TSNAXIP1: variants seen among roughly 807,000 people sequenced by gnomAD.
TSNAXIP1 encodes translin associated factor X interacting protein 1.
A neutral mutation model predicts 84.8 loss-of-function variants in TSNAXIP1; 89 were observed. The observed-to-expected ratio is 1.05, with a 90% CI of 0.88 to 1.25. The LOEUF (loss-of-function observed/expected upper bound fraction) is 1.25. Among genes scored for constraint, TSNAXIP1 ranks in the 50% most tolerant of loss-of-function variants. TSNAXIP1 has a pLI of 0.00. For missense variants in TSNAXIP1, 874 were observed against 887.6 expected (o/e 0.98, Z 0.20); for synonymous variants, 347 against 335.2 (o/e 1.04, Z -0.39).
intron 1 of TSNAXIP1, 117 bp downstream of exon 1, chr16:67,807,313 T>C (rs1420798452): frequency 6.5e-7 from 1 of 1,534,518 alleles, no homozygotes; most frequent in Non-Finnish European, 8.7e-7. Context: ...GATCTAGGGC[T>C]CCAGCACCAC....
At chr16:67,815,548 G>A (rs2056471326) in intron 2 of TSNAXIP1, among the ~76,000 whole-genome samples, 1 of 152,014 alleles carries the variant, frequency 6.6e-6, no homozygotes, top group Non-Finnish European at 1.5e-5. Context: ...CACTCTGGCT[G>A]GAGTGCAGTG....
rs2057535914 is a variant in TSNAXIP1, at chr16:67,827,307, G to A, written c.1723G>A (p.Glu575Lys). The change falls in exon 14 of 16, where the codon GAG becomes AAG. Residue 575 changes from glutamate (E) to lysine (K), a missense_variant. Transcript: ENST00000561639. ...AGAAGAGCAAATCCAGGAGCTGATG[G>A]AGGCAGGGGGCTGGCATCCCAGCAG... is the stretch of plus-strand genomic sequence containing the variant. ...KTEEQIQELMEAGGWHPSSSN... is the reference protein window; with the variant it reads ...KTEEQIQELMKAGGWHPSSSN... 1.2e-6 allele frequency: 2 copies of A among 1,614,102 alleles called. No individual in the cohort carries two copies. Among genetic ancestry groups the A allele is most frequent in the Middle Eastern group, 1.6e-4 (1 of 6,084 alleles).
intron 5 of TSNAXIP1, among the ~76,000 whole-genome samples, chr16:67,824,333 T>C (rs909558346): frequency 6.6e-6 from 1 of 152,140 alleles, no homozygotes; most frequent in Admixed American, 6.5e-5. Flanking sequence ...GTGCAGGGCA[T>C]GGTGCAGCTG....
At position 67,807,097 on chromosome 16, in the gene TSNAXIP1, G is replaced by T; in HGVS notation, c.-53G>T. On this transcript the variant is annotated 5_prime_UTR_variant, in exon 1 of 16. Coordinates refer to ENST00000561639, the MANE Select transcript of TSNAXIP1 (RefSeq NM_001288990.3). ...TGGTCGCCATGGCGACCGGCTGTAC[G>T]CTACCACAGCTTCCCAGGCCGCGGG... 6.5e-7 allele frequency: 1 copy of T among 1,528,854 alleles called. No homozygotes were observed. Among genetic ancestry groups the T allele is most frequent in the Non-Finnish European group, 8.8e-7 (1 of 1,142,850 alleles). 94.7% of individuals were successfully genotyped at this position (1,528,854 alleles called of 1,614,324 possible).
At position 67,814,417 on chromosome 16, in the gene TSNAXIP1, G is replaced by T; in HGVS notation, c.147+16G>T. 6.5e-7 allele frequency: 1 copy of T among 1,531,302 alleles called. No individual in the cohort carries two copies. Among genetic ancestry groups the T allele is most frequent in the Non-Finnish European group, 8.8e-7 (1 of 1,142,682 alleles). 94.9% of individuals were successfully genotyped at this position (1,531,302 alleles called of 1,614,324 possible). A position where few individuals can be genotyped will look rare whatever the true frequency, so the allele number is the denominator to read the frequency against. ...AAGGACGCTGGTTAGTGACAATGTT[G>T]TTTTGGAACCCCAAATGTCAGCCCC... On this transcript the variant is annotated intron_variant, in intron 2 of 15. Coordinates refer to ENST00000561639, the MANE Select transcript of TSNAXIP1 (RefSeq NM_001288990.3).
chr16:67,809,643 T>TA (rs1370307872), intron 1 of TSNAXIP1, among the ~76,000 whole-genome samples: 2 of 148,720 alleles, frequency 1.3e-5, no homozygotes, highest in African/African-American at 5.0e-5. Flanking sequence ...AATAAATAAA[T>TA]AAATAAATAA....
chr16:67,810,397 G>T (rs566508269), intron 1 of TSNAXIP1, among the ~76,000 whole-genome samples: 2 of 151,994 alleles, frequency 1.3e-5, no homozygotes. Flanking sequence ...AAGGTGGGCA[G>T]ATCATGAGGT....
In TSNAXIP1 at chr16:67,806,926, G is replaced by C. The variant is rs907603827; in HGVS notation, c.-224G>C. 7 of 647,530 alleles carry C rather than the reference G, an allele frequency of 1.1e-5. No homozygotes were observed. Among genetic ancestry groups the C allele is most frequent in the Non-Finnish European group, 1.8e-5 (7 of 381,982 alleles). 40.1% of individuals were successfully genotyped at this position (647,530 alleles called of 1,614,324 possible). A position where few individuals can be genotyped will look rare whatever the true frequency, so the allele number is the denominator to read the frequency against. On this transcript the variant is annotated 5_prime_UTR_variant, in exon 1 of 16. Transcript: ENST00000561639. ...CAGTTCTGGTACCTGGGGTCAAATCGGCTGTAGTGGTTGACTCTCAGGGCA... is the reference window on the plus strand; with the variant it reads ...CAGTTCTGGTACCTGGGGTCAAATCCGCTGTAGTGGTTGACTCTCAGGGCA...
intron 2 of TSNAXIP1, among the ~76,000 whole-genome samples, chr16:67,818,995 C>T (rs544597703): frequency 9.2e-5 from 14 of 151,880 alleles, no homozygotes; most frequent in African/African-American, 2.9e-4. Flanking sequence ...GAGCTGGGCG[C>T]GATGGCTCAC....
Position 67,827,742 on chromosome 16 carries a change from C to T in TSNAXIP1, c.1899-11C>T, listed in dbSNP as rs976178017. ...GGGTCAGGGCCTGTCACTCTCTTTC[C>T]TGTGGGGCAGCCATGAGGAAGTGAC... On this transcript the variant is annotated splice_polypyrimidine_tract_variant and intron_variant, in intron 15 of 15. Transcript: ENST00000561639. 1.2e-6 allele frequency: 2 copies of T among 1,613,700 alleles called. No individual in the cohort carries two copies. The highest frequency in any genetic ancestry group is 2.2e-5 in the South Asian group (2 of 91,064).
Position 67,825,253 on chromosome 16 carries a change from G to A in TSNAXIP1, c.795G>A (p.Met265Ile). The A allele has an allele frequency of 6.2e-7, 1 of 1,614,162 alleles. No homozygotes were observed. Among genetic ancestry groups the A allele is most frequent in the South Asian group, 1.1e-5 (1 of 91,086 alleles). The change falls in exon 7 of 16, where the codon ATG (methionine) becomes ATA (isoleucine). Residue 265 changes from methionine to isoleucine, a missense_variant. Coordinates refer to ENST00000561639, the MANE Select transcript of TSNAXIP1 (RefSeq NM_001288990.3). The part of the protein sequence containing the change: ...LNELRYQRED[M>I]SLAQSPGIWG... The stretch of plus-strand genomic sequence containing the variant: ...AGCTGCGGTACCAGCGGGAGGACAT[G>A]TCATTAGCCCAGTCGCCAGGTAAGC...
At position 67,826,275 on chromosome 16, in the gene TSNAXIP1, C is replaced by T; in HGVS notation, c.1268C>T (p.Pro423Leu). Reference protein sequence around the residue: ...SGLLREKDFFPGLGYGEAIPA... With the variant: ...SGLLREKDFFLGLGYGEAIPA... ...CTGCTGCGGGAGAAAGACTTCTTCC[C>T]TGGTCTGGTAGGGGAGGCCCCAGGA... Residue 423 changes from proline to leucine, a missense_variant, in exon 10 of 16, where the codon CCT (proline) becomes CTT (leucine). Transcript: ENST00000561639. 2.5e-6 allele frequency: 4 copies of T among 1,578,606 alleles called. No homozygotes were observed. The highest frequency in any genetic ancestry group is 3.4e-6 in the Non-Finnish European group (4 of 1,160,694).
chr16:67,818,281 AAAG>A (rs1484353037), intron 2 of TSNAXIP1, among the ~76,000 whole-genome samples: 4 of 152,226 alleles, frequency 2.6e-5, no homozygotes, highest in African/African-American at 9.6e-5. Context: ...TTGGGAGGCC[AAAG>A]AAGGAAGACT....
Position 67,827,970 on chromosome 16 carries a change from C to A in TSNAXIP1, c.2116C>A (p.Arg706=). ...QVIDIRRVGP[R]EPEPAS ...GATTGACATCAGGCGTGTGGGACCT[C>A]GAGAGCCAGAGCCTGCAAGCTAGGA... is the stretch of plus-strand genomic sequence containing the variant. Residue 706 remains arginine (R), a synonymous_variant, in exon 16 of 16, where the codon CGA becomes AGA. Transcript: ENST00000561639. 6.2e-7 allele frequency: 1 copy of A among 1,613,354 alleles called. No homozygotes were observed. The highest frequency in any genetic ancestry group is 8.5e-7 in the Non-Finnish European group (1 of 1,179,920).
At chr16:67,819,976 G>T (rs1300966209) in intron 2 of TSNAXIP1, among the ~76,000 whole-genome samples, 1 of 151,884 alleles carries the variant, frequency 6.6e-6, no homozygotes, top group African/African-American at 2.4e-5. Flanking sequence ...CCGACACCAC[G>T]CCCGGCTAAT....
intron 1 of TSNAXIP1, among the ~76,000 whole-genome samples, chr16:67,810,343 G>A (rs575035865): frequency 2.0e-5 from 3 of 152,202 alleles, no homozygotes; most frequent in East Asian, 1.9e-4. Flanking sequence ...GCTTGAGGCC[G>A]GGTACGGTGG....
chr16:67,828,064 A>C lies in TSNAXIP1; in HGVS notation c.*71A>C. 6.4e-7 allele frequency: 1 copy of C among 1,571,992 alleles called. No individual in the cohort carries two copies. The highest frequency in any genetic ancestry group is 8.6e-7 in the Non-Finnish European group (1 of 1,159,828). On this transcript the variant is annotated 3_prime_UTR_variant, in exon 16 of 16. Coordinates refer to ENST00000561639, the MANE Select transcript of TSNAXIP1 (RefSeq NM_001288990.3). ...TTTTAATATAAAAGTGTTTGTCTGAATCCATGCCATTCTCCAGACTGTGCT... is the reference window on the plus strand; with the variant it reads ...TTTTAATATAAAAGTGTTTGTCTGACTCCATGCCATTCTCCAGACTGTGCT...
At position 67,815,618 on chromosome 16, in the gene TSNAXIP1, C is replaced by T. The variant is rs938936916; in HGVS notation, c.147+1217C>T. 1.3e-5 allele frequency among the ~76,000 whole-genome samples: 2 copies of T among 152,036 alleles called. 1 individual carries two copies. Among genetic ancestry groups the T allele is most frequent in the South Asian group, 4.1e-4 (2 of 4,820 alleles). On this transcript the variant is annotated intron_variant, in intron 2 of 15. Transcript: ENST00000561639. ...ATGCTGAACCAATCCTCCCACTCAG[C>T]CTCCTGAGTAGCTGAGACTACAGGA...
In TSNAXIP1 at chr16:67,809,279, C is replaced by T. The variant is rs187619512; in HGVS notation, c.47+2083C>T. 5.4e-3 allele frequency among the ~76,000 whole-genome samples: 796 copies of T among 148,094 alleles called. 6 individuals are homozygous for T. Among genetic ancestry groups the T allele is most frequent in the Non-Finnish European group, 7.3e-3 (488 of 67,226 alleles). On this transcript the variant is annotated intron_variant, in intron 1 of 15. Coordinates refer to ENST00000561639, the MANE Select transcript of TSNAXIP1 (RefSeq NM_001288990.3). ...GGTCAAAAGATCGAGACAATCCTGG[C>T]CAACATGGTAAAACCTTGTCTCTAC...
Sources: gnomAD v4.1 joint callset for allele counts (sites outside exome capture counted in the v4.1 genomes callset) on GRCh38, gnomAD v4.1.1 for gene constraint, MANE v1.5 for transcripts, NCBI Gene and HGNC (gene_info 2026-07-23, HGNC 2026-07-21) for gene names.